Variants in GNA14 observed in about 807,000 individuals in gnomAD.
GNA14 encodes G protein subunit alpha 14, also known as guanine nucleotide-binding protein subunit alpha-14.
GNA14 carries 50 observed loss-of-function variants against 42.0 expected under a neutral mutation model. That is an observed-to-expected ratio of 1.19 (90% CI 0.95 to 1.51). The LOEUF is 1.51. Among genes scored for constraint, GNA14 ranks in the 40% most tolerant of loss-of-function variants. The probability of loss-of-function intolerance (pLI) is 0.00; values close to 1 mark genes in which losing one functional copy is unlikely to be tolerated. For synonymous variants in GNA14, 173 were observed against 163.1 expected, an observed-to-expected ratio of 1.06 and a Z score of -0.46; for missense variants, 473 against 446.2, an observed-to-expected ratio of 1.06 and a Z score of -0.54.
intron 1 of GNA14, among the ~76,000 whole-genome samples, chr9:77,539,030 G>A (rs532553155): frequency 2.0e-5 from 3 of 152,250 alleles, no homozygotes; most frequent in South Asian, 4.2e-4. Flanking sequence ...CTCTGGCTAG[G>A]ACTTCCAGTA....
chr9:77,428,281 A>G (rs1021090452), intron 5 of GNA14, among the ~76,000 whole-genome samples: 2 of 151,588 alleles, frequency 1.3e-5, no homozygotes, highest in Non-Finnish European at 1.5e-5. Flanking sequence ...GGGTTTCACC[A>G]CGTTAGCCAG....
At chr9:77,533,697 G>A (rs1447192472) in intron 1 of GNA14, among the ~76,000 whole-genome samples, 2 of 152,150 alleles carry the variant, frequency 1.3e-5, no homozygotes, top group African/African-American at 4.8e-5. Flanking sequence ...CAAATCTCCT[G>A]CTATACAGCT....
At chr9:77,542,721 G>C (rs1837675730) in intron 1 of GNA14, among the ~76,000 whole-genome samples, 1 of 152,226 alleles carries the variant, frequency 6.6e-6, no homozygotes, top group South Asian at 2.1e-4. Context: ...GCTTGTGCAG[G>C]TGGGTGCCAG....
chr9:77,569,008 A>G (rs576260425), intron 1 of GNA14, among the ~76,000 whole-genome samples: 1 of 152,286 alleles, frequency 6.6e-6, no homozygotes, highest in Non-Finnish European at 1.5e-5. Flanking sequence ...AAGTTTTTCA[A>G]TGCCCAGGCA....
chr9:77,475,981 T>G (rs2131724420), intron 2 of GNA14, among the ~76,000 whole-genome samples: 1 of 152,290 alleles, frequency 6.6e-6, no homozygotes. Flanking sequence ...GGCCTAAGTG[T>G]GCCCTTGAGC....
At chr9:77,491,865 C>G (rs1472106411) in intron 2 of GNA14, among the ~76,000 whole-genome samples, 1 of 152,204 alleles carries the variant, frequency 6.6e-6, no homozygotes, top group Non-Finnish European at 1.5e-5. Flanking sequence ...AATACACATT[C>G]TTTTCATCAG....
At chr9:77,477,080 G>A (rs901767496) in intron 2 of GNA14, among the ~76,000 whole-genome samples, 9 of 152,210 alleles carry the variant, frequency 5.9e-5, no homozygotes, top group African/African-American at 1.7e-4. Context: ...GTATGGGCCA[G>A]GCACGGTAGC....
Position 77,514,759 on chromosome 9 carries a change from G to A in GNA14, c.309+14310C>T, listed in dbSNP as rs552023591. ...CTCCCAAGTAGCTGGGACTACAGGCGTCTGCCACCACGCCCGGCTAATTTT... is the reference window on the plus strand; with the variant it reads ...CTCCCAAGTAGCTGGGACTACAGGCATCTGCCACCACGCCCGGCTAATTTT... On this transcript the variant is annotated intron_variant, in intron 2 of 6. Transcript: ENST00000341700. Among the ~76,000 whole-genome samples, 7 of 151,988 alleles carry A rather than the reference G, an allele frequency of 4.6e-5. No homozygotes were observed. The East Asian group carries it at 1.2e-3, about 25-fold the overall frequency.
chr9:77,463,502 G>A (rs141537924), intron 2 of GNA14, among the ~76,000 whole-genome samples: 102 of 152,206 alleles, frequency 6.7e-4, no homozygotes, highest in African/African-American at 2.3e-3. Flanking sequence ...AAGGCCAAGG[G>A]GATTAAATCT....
chr9:77,577,706 T>G (rs1257201010), intron 1 of GNA14, among the ~76,000 whole-genome samples: 1 of 152,160 alleles, frequency 6.6e-6, no homozygotes, highest in East Asian at 1.9e-4. Context: ...ACTGACCACT[T>G]TCAATGAGGG....
At chr9:77,491,176 G>A (rs1307258840) in intron 2 of GNA14, among the ~76,000 whole-genome samples, 1 of 152,206 alleles carries the variant, frequency 6.6e-6, no homozygotes, top group Non-Finnish European at 1.5e-5. Flanking sequence ...CAAAAGCTGA[G>A]AGAATTCACC....
chr9:77,581,844 C>T (rs1823229204), intron 1 of GNA14, among the ~76,000 whole-genome samples: 1 of 152,130 alleles, frequency 6.6e-6, no homozygotes, highest in Non-Finnish European at 1.5e-5. Context: ...CCTCTGCCAC[C>T]TTAAATAAAT....
intron 1 of GNA14, among the ~76,000 whole-genome samples, chr9:77,551,854 A>T (rs1420414832): frequency 1.3e-5 from 2 of 152,066 alleles, no homozygotes; most frequent in Admixed American, 6.6e-5. Flanking sequence ...ATATAAAGAA[A>T]TTTGGCCAGG....
intron 1 of GNA14, among the ~76,000 whole-genome samples, chr9:77,593,638 C>T (rs531441451): frequency 1.3e-5 from 2 of 152,296 alleles, no homozygotes; most frequent in East Asian, 3.9e-4. Flanking sequence ...TGCAAGGCCT[C>T]CTGGGGGCAG....
rs529969868 is a variant in GNA14, at chr9:77,539,799, T to C, written c.125-10546A>G. On this transcript the variant is annotated intron_variant, in intron 1 of 6. Coordinates refer to ENST00000341700, the MANE Select transcript of GNA14 (RefSeq NM_004297.4). ...TCTAGGTTTTCAGCTTATCAGTGTATAGTTGTTCATAATAATCTCTGATGA... is the reference window on the plus strand; with the variant it reads ...TCTAGGTTTTCAGCTTATCAGTGTACAGTTGTTCATAATAATCTCTGATGA... Among the ~76,000 whole-genome samples, 17 of 152,278 alleles carry C rather than the reference T, an allele frequency of 1.1e-4. No individual in the cohort carries two copies. The South Asian group carries it at 1.9e-3, about 17-fold the overall frequency.
rs542379761 is a variant in GNA14, at chr9:77,585,432, A to T, written c.125-56179T>A. 4.6e-5 allele frequency among the ~76,000 whole-genome samples: 7 copies of T among 152,300 alleles called. No individual in the cohort carries two copies. In the East Asian group the frequency reaches 1.4e-3, roughly 29 times the overall value. ...ACCAGGAAGAGAAGGATGACTCACTATAGTCTCTTATCAATGAAGAAGGCA... is the reference window on the plus strand; with the variant it reads ...ACCAGGAAGAGAAGGATGACTCACTTTAGTCTCTTATCAATGAAGAAGGCA... On this transcript the variant is annotated intron_variant, in intron 1 of 6. Coordinates refer to ENST00000341700, the MANE Select transcript of GNA14 (RefSeq NM_004297.4).
intron 2 of GNA14, among the ~76,000 whole-genome samples, chr9:77,477,214 G>A (rs894904332): frequency 6.6e-6 from 1 of 152,080 alleles, no homozygotes; most frequent in Non-Finnish European, 1.5e-5. Context: ...AAAATTAGCC[G>A]GGTGTGCTGG....
At chr9:77,480,601 G>T (rs373466100) in intron 2 of GNA14, among the ~76,000 whole-genome samples, 6 of 152,084 alleles carry the variant, frequency 3.9e-5, no homozygotes, top group East Asian at 1.9e-4. Flanking sequence ...TTCTATTGAT[G>T]GGAATAGTTT....
chr9:77,445,748 A>G (rs2131700057), intron 2 of GNA14, among the ~76,000 whole-genome samples: 1 of 152,038 alleles, frequency 6.6e-6, no homozygotes, highest in East Asian at 1.9e-4. Flanking sequence ...TTTAAAAAAT[A>G]TATATTTGTT....
Sources: gnomAD v4.1 joint callset for allele counts (sites outside exome capture counted in the v4.1 genomes callset) on GRCh38, gnomAD v4.1.1 for gene constraint, MANE v1.5 for transcripts, NCBI Gene and HGNC (gene_info 2026-07-23, HGNC 2026-07-21) for gene names.